Variants in ELOVL7 observed in about 807,000 individuals in gnomAD.
ELOVL7 encodes the protein very long chain fatty acid elongase 7.
A neutral mutation model predicts 35.7 loss-of-function variants in ELOVL7; 27 were observed. The observed-to-expected ratio is 0.76, with a 90% CI of 0.56 to 1.04. The LOEUF (loss-of-function observed/expected upper bound fraction) is 1.04. ELOVL7 is among the 50% of genes least tolerant of loss of function. The probability of loss-of-function intolerance (pLI) is 0.00; values close to 1 mark genes in which losing one functional copy is unlikely to be tolerated. For missense variants in ELOVL7, 327 were observed against 340.8 expected (o/e 0.96, Z 0.32); for synonymous variants, 113 against 114.6 (o/e 0.99, Z 0.09).
At chr5:60,837,333 T>TGGGG (rs1746885545) in intron 1 of ELOVL7, among the ~76,000 whole-genome samples, 2 of 53,544 alleles carry the variant, frequency 3.7e-5, no homozygotes, top group African/African-American at 8.4e-5. Flanking sequence ...GAGTGGGGGG[T>TGGGG]GGGGGTGGCG....
intron 1 of ELOVL7, among the ~76,000 whole-genome samples, chr5:60,835,820 C>T (rs1462109213): frequency 6.6e-6 from 1 of 152,000 alleles, no homozygotes; most frequent in African/African-American, 2.4e-5. Context: ...TTTTTTTGCA[C>T]TTACGTTTCA....
intron 8 of ELOVL7, among the ~76,000 whole-genome samples, chr5:60,755,949 G>C (rs970998415): frequency 1.3e-5 from 2 of 152,082 alleles, no homozygotes; most frequent in African/African-American, 4.8e-5. Context: ...TTTTCATATA[G>C]TTTATTTTAT....
At chr5:60,781,083 G>A (rs974667152) in intron 3 of ELOVL7, among the ~76,000 whole-genome samples, 3 of 151,918 alleles carry the variant, frequency 2.0e-5, no homozygotes, top group East Asian at 1.9e-4. Flanking sequence ...AGTGGCGCAC[G>A]CCTGTAATCA....
At chr5:60,843,036 C>T (rs1006748226) in intron 1 of ELOVL7, among the ~76,000 whole-genome samples, 2 of 151,736 alleles carry the variant, frequency 1.3e-5, no homozygotes, top group African/African-American at 4.8e-5. Context: ...GAGGCAGCCA[C>T]CAGGTATCGA....
intron 3 of ELOVL7, chr5:60,785,861 G>C (rs1282800487): frequency 6.6e-6 from 1 of 152,204 alleles, no homozygotes; most frequent in African/African-American, 2.4e-5. Flanking sequence ...AAACTGTTGG[G>C]AACACTTTTA....
intron 2 of ELOVL7, 54 bp downstream of exon 2, chr5:60,799,126 T>C (rs1744439098): frequency 6.6e-6 from 1 of 151,024 alleles, no homozygotes; most frequent in Non-Finnish European, 1.5e-5. Context: ...AAAAAAGAAA[T>C]CAAAAGGGAA....
chr5:60,801,971 G>C (rs550156598), intron 1 of ELOVL7, among the ~76,000 whole-genome samples: 301 of 151,066 alleles, frequency 2.0e-3, no homozygotes, highest in African/African-American at 7.0e-3. Context: ...TGGACTGAGT[G>C]ACACTACTAG....
chr5:60,837,563 T>C (rs1308117643), intron 1 of ELOVL7, among the ~76,000 whole-genome samples: 6 of 152,180 alleles, frequency 3.9e-5, no homozygotes, highest in Non-Finnish European at 5.9e-5. Flanking sequence ...CAGCCTTGAG[T>C]ATCCTGTAAG....
intron 6 of ELOVL7, among the ~76,000 whole-genome samples, chr5:60,764,611 A>G (rs1742125973): frequency 6.6e-6 from 1 of 151,958 alleles, no homozygotes; most frequent in African/African-American, 2.4e-5. Flanking sequence ...AAAGTAAGGA[A>G]TATGGCCAAA....
chr5:60,757,683 C>A, intron 7 of ELOVL7, 38 bp from the exon 8 acceptor site: 2 of 1,488,042 alleles, frequency 1.3e-6, no homozygotes, highest in South Asian at 1.5e-5. Flanking sequence ...GGCCATTGTT[C>A]CTTAAAATGA....
chr5:60,842,951 C>G (rs1319984959), intron 1 of ELOVL7, among the ~76,000 whole-genome samples: 6 of 151,466 alleles, frequency 4.0e-5, no homozygotes. Flanking sequence ...CTTGGGGAGA[C>G]CAATTTCTGA....
At chr5:60,764,151 A>C in intron 7 of ELOVL7, 76 bp downstream of exon 7, 1 of 960,636 alleles carries the variant, frequency 1.0e-6, no homozygotes, top group Non-Finnish European at 1.6e-6. Flanking sequence ...TATAAATCAC[A>C]TTTTAGAAAA....
In ELOVL7 at chr5:60,764,262, G is replaced by A. The variant is rs200377514; in HGVS notation, c.464C>T (p.Pro155Leu). Reference sequence around the variant, plus strand: ...TTTGACTCCAAACCACCAGGTCCACGGCATGATGGTATGATGGAATACATG... The same window carrying A: ...TTTGACTCCAAACCACCAGGTCCACAGCATGATGGTATGATGGAATACATG... The part of the protein sequence containing the change: ...FLHVFHHTIM[P>L]WTWWFGVKFA... The change falls in exon 7 of 9, where the codon CCG becomes CTG. Residue 155 changes from proline (P) to leucine (L), a missense_variant. By Grantham distance (98) the Pro-to-Leu change is moderately conservative (BLOSUM62 -3). Transcript: ENST00000508821. 26 of 1,613,478 alleles carry A rather than the reference G, an allele frequency of 1.6e-5. No individual in the cohort carries two copies. Among genetic ancestry groups the A allele is most frequent in the East Asian group, 4.5e-5 (2 of 44,834 alleles).
At position 60,757,746 on chromosome 5, in the gene ELOVL7, G is replaced by GA. The variant is rs1332200139; in HGVS notation, c.500-102dup. On this transcript the variant is annotated intron_variant, in intron 7 of 8. Transcript: ENST00000508821. ...TTGTATAATTATTTCTTGCATTTTG[G>GA]AAAAAAATATATAAAATATCAATCC... 35 of 1,006,204 alleles carry GA rather than the reference G, an allele frequency of 3.5e-5. No homozygotes were observed. In the Admixed American group the frequency reaches 5.2e-4, roughly 15 times the overall value. 62.3% of individuals were successfully genotyped at this position (1,006,204 alleles called of 1,614,324 possible).
chr5:60,783,209 G>A (rs1173625257), intron 3 of ELOVL7, among the ~76,000 whole-genome samples: 1 of 152,108 alleles, frequency 6.6e-6, no homozygotes, highest in Non-Finnish European at 1.5e-5. Context: ...CTTTTATATG[G>A]TTTCACTGCC....
chr5:60,815,801 A>G (rs1745483987), intron 1 of ELOVL7, among the ~76,000 whole-genome samples: 1 of 152,178 alleles, frequency 6.6e-6, no homozygotes, highest in African/African-American at 2.4e-5. Context: ...TTAAAAATAA[A>G]ATAAAAATGG....
chr5:60,752,750 C>T lies in ELOVL7; in HGVS notation c.*1874G>A, dbSNP rs565558664. The T allele has an allele frequency of 2.6e-5, 4 of 152,158 alleles. No homozygotes were observed. The South Asian group carries it at 6.2e-4, about 24-fold the overall frequency. 9.4% of individuals were successfully genotyped at this position (152,158 alleles called of 1,614,324 possible). A position where few individuals can be genotyped will look rare whatever the true frequency, so the allele number is the denominator to read the frequency against. On this transcript the variant is annotated 3_prime_UTR_variant, in exon 9 of 9. Coordinates refer to ENST00000508821, the MANE Select transcript of ELOVL7 (RefSeq NM_024930.3). The stretch of plus-strand genomic sequence containing the variant: ...GGAGGATCACCTGAGGTCAGGAGCT[C>T]GAGACCAGCCTGGCCAACCCTGTCT...
In ELOVL7 at chr5:60,794,458, G is replaced by T. The variant is rs575129331; in HGVS notation, c.-35+4722C>A. ...ACAGTGATCAGAAGGCAGAACTCTGGGAGAGCATCTGGTTGGAATTCACTC... is the reference window on the plus strand; with the variant it reads ...ACAGTGATCAGAAGGCAGAACTCTGTGAGAGCATCTGGTTGGAATTCACTC... On this transcript the variant is annotated intron_variant, in intron 2 of 8. Coordinates refer to ENST00000508821, the MANE Select transcript of ELOVL7 (RefSeq NM_024930.3). Among the ~76,000 whole-genome samples the T allele has an allele frequency of 4.6e-5, 7 of 152,330 alleles. No individual in the cohort carries two copies. The South Asian group carries it at 1.2e-3, about 27-fold the overall frequency.
At chr5:60,788,465 G>T (rs930898852) in intron 2 of ELOVL7, among the ~76,000 whole-genome samples, 2 of 151,982 alleles carry the variant, frequency 1.3e-5, no homozygotes, top group African/African-American at 4.8e-5. Context: ...AAAATAATAG[G>T]TATATTTTAC....
Sources: allele counts gnomAD v4.1 joint callset (sites outside exome capture counted in the v4.1 genomes callset), GRCh38; gene constraint gnomAD v4.1.1; transcripts MANE v1.5; gene names NCBI Gene and HGNC (gene_info 2026-07-23, HGNC 2026-07-21).